The following XKR4 variants were observed in gnomAD, a reference collection of about 807,000 sequenced individuals.
The protein encoded by XKR4 is XK related 4, also known as XK-related protein 4.
XKR4 carries 12 observed loss-of-function variants against 53.9 expected under a neutral mutation model. The observed-to-expected ratio is 0.22, with a 90% confidence interval of 0.14 to 0.36. The LOEUF is 0.36. Ranked by LOEUF, XKR4 falls within the 10% of genes least tolerant of loss-of-function variation. The pLI is 1.00. For missense variants in XKR4, 799 were observed against 859.5 expected (o/e 0.93, Z 0.88); for synonymous variants, 354 against 362.4 (o/e 0.98, Z 0.26).
At chr8:55,504,252 G>T (rs569372634) in intron 2 of XKR4, among the ~76,000 whole-genome samples, 1 of 151,304 alleles carries the variant, frequency 6.6e-6, no homozygotes, top group African/African-American at 2.4e-5. Context: ...TCACTCTGTC[G>T]CCCAGGCTGG....
At chr8:55,221,765 AG>A in intron 1 of XKR4, among the ~76,000 whole-genome samples, 1 of 152,276 alleles carries the variant, frequency 6.6e-6, no homozygotes, top group East Asian at 1.9e-4. Context: ...GCTGTCTTAC[AG>A]CCCCTTCTCC....
At chr8:55,151,410 G>T (rs1049593136) in intron 1 of XKR4, among the ~76,000 whole-genome samples, 3 of 152,062 alleles carry the variant, frequency 2.0e-5, no homozygotes, top group African/African-American at 7.2e-5. Context: ...CAATTGTACC[G>T]CAAACTTCTG....
At chr8:55,523,141 C>CAACAAA in intron 2 of XKR4, 140 bp from the exon 3 acceptor site, 1 of 587,254 alleles carries the variant, frequency 1.7e-6, no homozygotes, top group South Asian at 2.4e-5. Context: ...GACTCTGTCT[C>CAACAAA]AAAAAAAAAA....
intron 1 of XKR4, among the ~76,000 whole-genome samples, chr8:55,111,781 A>G (rs1480761): frequency 0.85 from 128,820 of 152,152 alleles, 54,640 homozygotes; most frequent in East Asian, 0.93. Flanking sequence ...ACAACGCTTC[A>G]CAGGCTTGAA....
chr8:55,199,906 A>G (rs1817556389), intron 1 of XKR4, among the ~76,000 whole-genome samples: 2 of 152,190 alleles, frequency 1.3e-5, no homozygotes, highest in African/African-American at 4.8e-5. Context: ...TTTCAGATGA[A>G]GAAACCAAAG....
intron 1 of XKR4, among the ~76,000 whole-genome samples, chr8:55,292,109 A>G (rs1444181477): frequency 1.3e-5 from 2 of 152,110 alleles, no homozygotes; most frequent in African/African-American, 4.8e-5. Flanking sequence ...TTTAGTCTAT[A>G]TTCATGAGGG....
At chr8:55,485,286 AG>A (rs1387561999) in intron 2 of XKR4, among the ~76,000 whole-genome samples, 1 of 152,222 alleles carries the variant, frequency 6.6e-6, no homozygotes, top group Non-Finnish European at 1.5e-5. Flanking sequence ...GGAAATAAAA[AG>A]CATATACTTT....
chr8:55,520,738 C>A (rs1286552781), intron 2 of XKR4, among the ~76,000 whole-genome samples: 1 of 152,214 alleles, frequency 6.6e-6, no homozygotes, highest in Non-Finnish European at 1.5e-5. Context: ...AGAAAGCCTT[C>A]ATTTTTCTAC....
At chr8:55,376,256 T>A (rs1393931573) in intron 2 of XKR4, among the ~76,000 whole-genome samples, 1 of 152,204 alleles carries the variant, frequency 6.6e-6, no homozygotes, top group East Asian at 1.9e-4. Context: ...GTAATGGGAT[T>A]GCTGGGTAAA....
chr8:55,132,950 G>T (rs905667066), intron 1 of XKR4, among the ~76,000 whole-genome samples: 1 of 152,172 alleles, frequency 6.6e-6, no homozygotes, highest in Non-Finnish European at 1.5e-5. Context: ...TGATCATCAG[G>T]TAAGCTTAGT....
chr8:55,104,038 G>T (rs1257486258), intron 1 of XKR4, among the ~76,000 whole-genome samples: 1 of 151,874 alleles, frequency 6.6e-6, no homozygotes, highest in Non-Finnish European at 1.5e-5. Context: ...GTTAACTTTA[G>T]TTGTACTTGG....
intron 1 of XKR4, among the ~76,000 whole-genome samples, chr8:55,107,573 A>G (rs1816167921): frequency 1.3e-5 from 2 of 152,150 alleles, no homozygotes; most frequent in Admixed American, 1.3e-4. Flanking sequence ...ATTTGGACAT[A>G]CTGAGGTTGT....
At chr8:55,507,854 G>C (rs1035142701) in intron 2 of XKR4, among the ~76,000 whole-genome samples, 1 of 152,172 alleles carries the variant, frequency 6.6e-6, no homozygotes, top group South Asian at 2.1e-4. Flanking sequence ...AATCCTTTGG[G>C]TATATACCCA....
intron 1 of XKR4, among the ~76,000 whole-genome samples, chr8:55,125,561 G>A (rs1014192216): frequency 6.6e-6 from 1 of 152,036 alleles, no homozygotes; most frequent in Non-Finnish European, 1.5e-5. Flanking sequence ...CACAAACATT[G>A]CCCATTAATA....
intron 1 of XKR4, among the ~76,000 whole-genome samples, chr8:55,286,055 G>T (rs1243594477): frequency 2.6e-5 from 4 of 152,146 alleles, no homozygotes; most frequent in African/African-American, 9.7e-5. Context: ...CACAGAATCG[G>T]CTGTACCTGG....
chr8:55,507,322 T>C (rs1438791238), intron 2 of XKR4, among the ~76,000 whole-genome samples: 1 of 152,104 alleles, frequency 6.6e-6, no homozygotes, highest in Admixed American at 6.6e-5. Flanking sequence ...TTGATTCTCA[T>C]CCATTTTCTT....
chr8:55,507,742 C>A (rs959650371), intron 2 of XKR4, among the ~76,000 whole-genome samples: 2 of 152,152 alleles, frequency 1.3e-5, no homozygotes, highest in Non-Finnish European at 2.9e-5. Flanking sequence ...TTAATCCAGT[C>A]TATCCTTGTT....
At chr8:55,374,951 G>T (rs1257581126) in intron 2 of XKR4, among the ~76,000 whole-genome samples, 1 of 152,216 alleles carries the variant, frequency 6.6e-6, no homozygotes, top group African/African-American at 2.4e-5. Context: ...GCTGGTCATG[G>T]GAGATGCAGC....
chr8:55,119,484 G>A (rs1279419308), intron 1 of XKR4, among the ~76,000 whole-genome samples: 1 of 152,140 alleles, frequency 6.6e-6, no homozygotes, highest in Non-Finnish European at 1.5e-5. Flanking sequence ...GAAATGGAAG[G>A]GGAGAGGGAG....
Sources: gnomAD v4.1 joint callset for allele counts (sites outside exome capture counted in the v4.1 genomes callset) on GRCh38, gnomAD v4.1.1 for gene constraint, MANE v1.5 for transcripts, NCBI Gene and HGNC (gene_info 2026-07-23, HGNC 2026-07-21) for gene names.